NIM1K: variants seen among roughly 807,000 people sequenced by gnomAD.
The protein encoded by NIM1K is serine/threonine-protein kinase NIM1.
Under a neutral mutation model 37.1 loss-of-function variants are expected in NIM1K, and 35 were observed. The observed-to-expected ratio is 0.94, with a 90% CI of 0.72 to 1.25. NIM1K has a LOEUF of 1.25. NIM1K is among the 50% of genes most tolerant of loss of function. The pLI, the probability that NIM1K is intolerant of heterozygous loss-of-function variation, is 0.00. For synonymous variants in NIM1K, 234 were observed against 206.6 expected, an observed-to-expected ratio of 1.13 and a Z score of -1.14; for missense variants, 564 against 548.0, an observed-to-expected ratio of 1.03 and a Z score of -0.29.
In NIM1K at chr5:43,269,308, C is replaced by CAAAAAA. The variant is rs1359809549; in HGVS notation, c.293-7743_293-7738dup. Among the ~76,000 whole-genome samples, 95 of 55,598 alleles carry CAAAAAA rather than the reference C, an allele frequency of 1.7e-3. 1 individual carries two copies. Among genetic ancestry groups the CAAAAAA allele is most frequent in the South Asian group, 2.9e-3 (3 of 1,026 alleles). 36.5% of individuals were successfully genotyped at this position (55,598 alleles called of 152,430 possible). Reference sequence around the variant, plus strand: ...TGGGCAACAAAGTGAGACTTCATCTCAAAAAAAAAAAGAAAAAAAAAAAAG... The same window carrying CAAAAAA: ...TGGGCAACAAAGTGAGACTTCATCTCAAAAAAAAAAAAAAAAAGAAAAAAAAAAAAG... On this transcript the variant is annotated intron_variant, in intron 2 of 3. Coordinates refer to ENST00000326035, the MANE Select transcript of NIM1K (RefSeq NM_153361.4).
intron 2 of NIM1K, among the ~76,000 whole-genome samples, chr5:43,255,754 A>AAAAAGAAAGAAAGAAAGAAAGAAAG (rs112325348): frequency 6.1e-5 from 8 of 131,894 alleles, no homozygotes; most frequent in African/African-American, 2.2e-4. Flanking sequence ...TCTCAAAAAA[A>AAAAAGAAAGAAAGAAAGAAAGAAAG]AAAGAAAGAA....
intron 3 of NIM1K, among the ~76,000 whole-genome samples, chr5:43,278,292 G>A (rs1029854901): frequency 3.9e-5 from 6 of 152,114 alleles, no homozygotes; most frequent in East Asian, 1.9e-4. Context: ...CGATCCACCT[G>A]CCTCGGTCTC....
At chr5:43,231,992 G>T (rs1752546532) in intron 1 of NIM1K, 1 of 1,004,660 alleles carries the variant, frequency 1.0e-6, no homozygotes, top group Non-Finnish European at 1.5e-6. Flanking sequence ...TCAAACTTGT[G>T]GTCCAGGTGA....
intron 2 of NIM1K, among the ~76,000 whole-genome samples, chr5:43,257,847 C>G (rs903659159): frequency 6.6e-6 from 1 of 151,302 alleles, no homozygotes; most frequent in African/African-American, 2.4e-5. Flanking sequence ...ACTGCTTGAG[C>G]CTAGGAGTTC....
intron 1 of NIM1K, among the ~76,000 whole-genome samples, chr5:43,198,205 TTCTCTTTCTTTCTTTC>T (rs1751956743): frequency 1.7e-4 from 7 of 40,916 alleles, no homozygotes; most frequent in Non-Finnish European, 2.8e-4. Context: ...CTTTCTTTCT[TTCTCTTTCTTTCTTTC>T]TTTCTTTCTT....
chr5:43,206,655 GC>G, intron 1 of NIM1K: 1 of 682,788 alleles, frequency 1.5e-6, no homozygotes. Context: ...GCCTGACTCG[GC>G]CCCCCAGTCT....
At position 43,233,199 on chromosome 5, in the gene NIM1K, C is replaced by G. The variant is rs113403491; in HGVS notation, c.-694-11883C>G. On this transcript the variant is annotated intron_variant, in intron 1 of 3. Transcript: ENST00000326035. Reference sequence around the variant, plus strand: ...GATTACTGCTTCACGGCTGCCGAGGCGATGGTGGAGACAAGGAGAGATTGT... The same window carrying G: ...GATTACTGCTTCACGGCTGCCGAGGGGATGGTGGAGACAAGGAGAGATTGT... 2.8e-6 allele frequency: 3 copies of G among 1,072,606 alleles called. No individual in the cohort carries two copies. The African/African-American group carries it at 4.6e-5, about 17-fold the overall frequency. 66.4% of individuals were successfully genotyped at this position (1,072,606 alleles called of 1,614,324 possible).
intron 2 of NIM1K, among the ~76,000 whole-genome samples, chr5:43,251,200 G>A (rs980690548): frequency 6.6e-6 from 1 of 152,162 alleles, no homozygotes; most frequent in Non-Finnish European, 1.5e-5. Flanking sequence ...GAAGGTGATG[G>A]TAAAAATAAG....
At chr5:43,223,803 A>G (rs1373551111) in intron 1 of NIM1K, among the ~76,000 whole-genome samples, 2 of 152,314 alleles carry the variant, frequency 1.3e-5, no homozygotes, top group East Asian at 3.9e-4. Flanking sequence ...AATTAGGTTG[A>G]TATAAATGAA....
rs374759221 is a variant in NIM1K, at chr5:43,217,198, C to T, written c.-695+24787C>T. ...TCTTTATAAATTTGCCTCTTCAGAA[C>T]GTTTCATGTAAATGGAATCATAAAA... On this transcript the variant is annotated intron_variant, in intron 1 of 3. Transcript: ENST00000326035. Among the ~76,000 whole-genome samples the T allele has an allele frequency of 5.9e-5, 9 of 152,240 alleles. No homozygotes were observed. The South Asian group carries it at 6.2e-4, about 11-fold the overall frequency.
chr5:43,248,236 A>G (rs1752813388), intron 2 of NIM1K, among the ~76,000 whole-genome samples: 1 of 152,226 alleles, frequency 6.6e-6, no homozygotes, highest in Non-Finnish European at 1.5e-5. Flanking sequence ...CATATAGTAC[A>G]GTTACCCTAA....
At chr5:43,203,991 A>C (rs1579954225) in intron 1 of NIM1K, among the ~76,000 whole-genome samples, 1 of 148,674 alleles carries the variant, frequency 6.7e-6, no homozygotes, top group African/African-American at 2.5e-5. Flanking sequence ...TCGACACTGC[A>C]CTCCAGCCTG....
intron 2 of NIM1K, among the ~76,000 whole-genome samples, chr5:43,267,264 T>C (rs1753178913): frequency 6.6e-6 from 1 of 152,232 alleles, no homozygotes; most frequent in South Asian, 2.1e-4. Flanking sequence ...TTCATAGTAA[T>C]CTCAACTGAT....
chr5:43,198,184 T>TC (rs1751951683), intron 1 of NIM1K, among the ~76,000 whole-genome samples: 1 of 56,276 alleles, frequency 1.8e-5, no homozygotes, highest in African/African-American at 7.2e-5. Flanking sequence ...TCTTTCTTTC[T>TC]TTCTTTCTTT....
chr5:43,196,594 C>T (rs893670303), intron 1 of NIM1K, among the ~76,000 whole-genome samples: 2 of 151,990 alleles, frequency 1.3e-5, no homozygotes, highest in South Asian at 4.1e-4. Context: ...GAGATCGCGC[C>T]ACTGCACTCC....
chr5:43,229,757 C>T (rs62368886), intron 1 of NIM1K, among the ~76,000 whole-genome samples: 44,541 of 151,328 alleles, frequency 0.29, 7,176 homozygotes, highest in East Asian at 0.67. Context: ...CTGCCTCAGC[C>T]TCCTGAGTAG....
chr5:43,220,500 C>T (rs1752365711), intron 1 of NIM1K, among the ~76,000 whole-genome samples: 1 of 151,986 alleles, frequency 6.6e-6, no homozygotes, highest in South Asian at 2.1e-4. Context: ...AGGCTGATCG[C>T]AAACTCCTGA....
intron 2 of NIM1K, among the ~76,000 whole-genome samples, chr5:43,264,474 G>C (rs1033515650): frequency 2.6e-5 from 4 of 152,062 alleles, no homozygotes; most frequent in Non-Finnish European, 4.4e-5. Context: ...CATTTGCTTG[G>C]TAGATCTTCC....
At chr5:43,221,915 T>C (rs1258700530) in intron 1 of NIM1K, among the ~76,000 whole-genome samples, 3 of 152,258 alleles carry the variant, frequency 2.0e-5, no homozygotes, top group Admixed American at 2.0e-4. Flanking sequence ...CTATGTCTTA[T>C]GCATTTTATG....
Sources: gnomAD v4.1 joint callset for allele counts (sites outside exome capture counted in the v4.1 genomes callset) on GRCh38, gnomAD v4.1.1 for gene constraint, MANE v1.5 for transcripts, NCBI Gene and HGNC (gene_info 2026-07-23, HGNC 2026-07-21) for gene names.